Variants in PCDHA8 observed in about 807,000 individuals in gnomAD.
PCDHA8 encodes protocadherin alpha 8, also known as protocadherin alpha-8.
PCDHA8 carries 53 observed loss-of-function variants against 61.8 expected under a neutral mutation model. That is an observed-to-expected ratio of 0.86 (90% confidence interval 0.69 to 1.08). The LOEUF (loss-of-function observed/expected upper bound fraction) is 1.08, where lower values mean the gene tolerates loss of function less well. Among genes scored for constraint, PCDHA8 ranks in the 50% least tolerant of loss-of-function variants. The probability of loss-of-function intolerance (pLI) is 0.00; values close to 1 mark genes in which losing one functional copy is unlikely to be tolerated. For missense variants in PCDHA8, 1,293 were observed against 1,245.0 expected (o/e 1.04, Z -0.58); for synonymous variants, 618 against 556.6 (o/e 1.11, Z -1.55).
At chr5:140,883,018 G>T (rs1400637236) in intron 1 of PCDHA8, 2 of 1,613,968 alleles carry the variant, frequency 1.2e-6, no homozygotes, top group East Asian at 2.2e-5. Flanking sequence ...ATAAAGTGAC[G>T]GTGTTAGAGA....
At chr5:140,866,433 C>CTGAA (rs1217236180) in intron 1 of PCDHA8, 1 of 151,814 alleles carries the variant, frequency 6.6e-6, no homozygotes, top group Non-Finnish European at 1.5e-5. Context: ...GTCTTTCAGT[C>CTGAA]TTCTTCAGTC....
At chr5:140,858,133 C>A in intron 1 of PCDHA8, 2 of 1,597,688 alleles carry the variant, frequency 1.3e-6, no homozygotes, top group Non-Finnish European at 1.7e-6. Context: ...TGGATGTCAA[C>A]GTGTACCTGA....
chr5:140,978,860 A>G, intron 1 of PCDHA8, 89 bp from the exon 2 acceptor site: 1 of 1,598,356 alleles, frequency 6.3e-7, no homozygotes, highest in African/African-American at 1.3e-5. Context: ...GCCTGGAAAT[A>G]TTTAAGGGAG....
At chr5:140,850,669 C>A in intron 1 of PCDHA8, 1 of 1,598,502 alleles carries the variant, frequency 6.3e-7, no homozygotes, top group South Asian at 1.1e-5. Flanking sequence ...CGGTGCTCGG[C>A]GATGCCCACC....
rs184817309 is a variant in PCDHA8, at chr5:140,876,910, T to G, written c.2394+33195T>G. On this transcript the variant is annotated intron_variant, in intron 1 of 3. Coordinates refer to ENST00000531613, the MANE Select transcript of PCDHA8 (RefSeq NM_018911.3). The stretch of plus-strand genomic sequence containing the variant: ...CTGCCACATCTTCACGGTGTCGGCA[T>G]GGGACGCGGACGCGCAGAAGAACGC... 1.1e-5 allele frequency: 18 copies of G among 1,613,860 alleles called. No homozygotes were observed. The South Asian group carries it at 1.4e-4, about 13-fold the overall frequency.
chr5:140,911,687 G>A (rs1554194873), intron 1 of PCDHA8, among the ~76,000 whole-genome samples: 1 of 152,166 alleles, frequency 6.6e-6, no homozygotes, highest in Non-Finnish European at 1.5e-5. Context: ...CGTGCATCAG[G>A]AGTGTCAAAT....
At chr5:140,948,253 A>C (rs782144804) in intron 1 of PCDHA8, among the ~76,000 whole-genome samples, 14 of 151,624 alleles carry the variant, frequency 9.2e-5, no homozygotes, top group Admixed American at 2.6e-4. Flanking sequence ...ATATTTTTAC[A>C]TCTGTGTTCA....
chr5:140,842,608 C>T lies in PCDHA8; in HGVS notation c.1287C>T (p.Asp429=), dbSNP rs1251086188. Residue 429 remains aspartate, a synonymous_variant, in exon 1 of 4, where the codon GAC becomes GAT. Coordinates refer to ENST00000531613, the MANE Select transcript of PCDHA8 (RefSeq NM_018911.3). ...SAYELVVTAR[D]GGSPSLWATA... is the part of the protein sequence containing the mutation. ...ATGAGTTGGTGGTAACCGCGCGGGA[C>T]GGGGGCTCGCCTTCGCTGTGGGCCA... The T allele has an allele frequency of 3.9e-6, 6 of 1,557,100 alleles. No homozygotes were observed. The African/African-American group carries it at 4.3e-5, about 11-fold the overall frequency.
chr5:140,877,068 G>C (rs1050946101), intron 1 of PCDHA8: 4 of 1,613,122 alleles, frequency 2.5e-6, no homozygotes, highest in Non-Finnish European at 3.4e-6. Context: ...AGCTGCTGCA[G>C]TTCCAGGTGA....
intron 1 of PCDHA8, chr5:140,868,497 T>C (rs1458506620): frequency 1.3e-5 from 2 of 152,376 alleles, no homozygotes; most frequent in Admixed American, 6.5e-5. Flanking sequence ...TTGAGTTCCC[T>C]AGCAGCCAAA....
intron 1 of PCDHA8, chr5:140,850,293 G>C (rs2150478191): frequency 6.3e-7 from 1 of 1,596,282 alleles, no homozygotes; most frequent in Non-Finnish European, 8.6e-7. Flanking sequence ...AGTGGACGCC[G>C]ACTCGGGCTA....
rs920860677 is a variant in PCDHA8, at chr5:140,985,387, C to T, written c.2542+2824C>T. Among the ~76,000 whole-genome samples the T allele has an allele frequency of 3.0e-4, 45 of 152,272 alleles. 1 individual carries two copies. Among genetic ancestry groups the T allele is most frequent in the African/African-American group, 9.9e-4 (41 of 41,542 alleles). On this transcript the variant is annotated intron_variant, in intron 3 of 3. Transcript: ENST00000531613. ...GTTATCTGGGTCTATATAATCCAGTCACCCCAACTGTTCCCCTGGAAATGG... is the reference window on the plus strand; with the variant it reads ...GTTATCTGGGTCTATATAATCCAGTTACCCCAACTGTTCCCCTGGAAATGG...
intron 3 of PCDHA8, among the ~76,000 whole-genome samples, chr5:141,004,282 G>T (rs1444607316): frequency 3.3e-5 from 5 of 152,190 alleles, no homozygotes; most frequent in African/African-American, 1.2e-4. Context: ...ACATGCTGCT[G>T]AGCTCTCAGA....
intron 1 of PCDHA8, among the ~76,000 whole-genome samples, chr5:140,872,998 G>C (rs2054022914): frequency 6.6e-6 from 1 of 152,060 alleles, no homozygotes; most frequent in African/African-American, 2.4e-5. Flanking sequence ...TTACTTCTGA[G>C]TCATTCTTCA....
intron 1 of PCDHA8, chr5:140,865,754 C>T (rs1554159601): frequency 6.6e-6 from 1 of 152,144 alleles, no homozygotes; most frequent in East Asian, 1.9e-4. Context: ...AGTGCCAGTA[C>T]ATGGTGGAGA....
chr5:140,953,050 A>C (rs1169479924), intron 1 of PCDHA8, among the ~76,000 whole-genome samples: 1 of 152,122 alleles, frequency 6.6e-6, no homozygotes, highest in African/African-American at 2.4e-5. Flanking sequence ...TGATCCAATC[A>C]CCTCTCACAG....
At chr5:140,993,406 T>C (rs1382987714) in intron 3 of PCDHA8, among the ~76,000 whole-genome samples, 2 of 150,998 alleles carry the variant, frequency 1.3e-5, no homozygotes, top group South Asian at 4.2e-4. Flanking sequence ...TTAACCACCT[T>C]CATCAGCATT....
chr5:140,855,873 A>G lies in PCDHA8; in HGVS notation c.2394+12158A>G. ...ACCGGATGTCGCTGTCGTCCACAAAATAGCTTTTTAGAACAAAGGCATCAG... is the reference window on the plus strand; with the variant it reads ...ACCGGATGTCGCTGTCGTCCACAAAGTAGCTTTTTAGAACAAAGGCATCAG... On this transcript the variant is annotated intron_variant, in intron 1 of 3. Coordinates refer to ENST00000531613, the MANE Select transcript of PCDHA8 (RefSeq NM_018911.3). The G allele has an allele frequency of 2.3e-6, 2 of 864,574 alleles. 1 individual carries two copies. Among genetic ancestry groups the G allele is most frequent in the South Asian group, 4.1e-5 (2 of 49,350 alleles). The allele number at this position is 864,574 out of a possible 1,614,324, so 53.6% of individuals were successfully genotyped here.
At chr5:140,868,341 T>C (rs1554161894) in intron 1 of PCDHA8, 1 of 152,158 alleles carries the variant, frequency 6.6e-6, no homozygotes, top group African/African-American at 2.4e-5. Flanking sequence ...AAGTCACTTA[T>C]AATCAGAAAG....
Sources: allele counts gnomAD v4.1 joint callset (sites outside exome capture counted in the v4.1 genomes callset), GRCh38; gene constraint gnomAD v4.1.1; transcripts MANE v1.5; gene names NCBI Gene and HGNC (gene_info 2026-07-23, HGNC 2026-07-21).